Variants in SOX5 observed in about 807,000 individuals in gnomAD.
SOX5 encodes the protein transcription factor SOX-5.
SOX5 carries 9 observed loss-of-function variants against 92.0 expected under a neutral mutation model. The observed-to-expected ratio is 0.10, with a 90% CI of 0.06 to 0.17. The LOEUF is 0.17. Among genes scored for constraint, SOX5 ranks in the 10% least tolerant of loss-of-function variants. The probability of loss-of-function intolerance (pLI) is 1.00; values close to 1 mark genes in which losing one functional copy is unlikely to be tolerated. For missense variants in SOX5, 642 were observed against 944.5 expected (o/e 0.68, Z 4.20); for synonymous variants, 344 against 336.3 (o/e 1.02, Z -0.25).
chr12:24,376,690 C>CTTTTTTTTTTT (rs1164391418), intron 1 of SOX5, among the ~76,000 whole-genome samples: 2 of 70,572 alleles, frequency 2.8e-5, no homozygotes, highest in Admixed American at 2.1e-4. Context: ...GGAGAGATAC[C>CTTTTTTTTTTT]TTTTTTTTTT....
intron 3 of SOX5, among the ~76,000 whole-genome samples, chr12:23,815,367 C>T (rs2095968272): frequency 6.6e-6 from 1 of 152,170 alleles, no homozygotes; most frequent in Admixed American, 6.5e-5. Context: ...AATCTTACAA[C>T]ACGAGATCTT....
chr12:23,617,861 G>A (rs2076750578), intron 8 of SOX5, among the ~76,000 whole-genome samples: 2 of 152,100 alleles, frequency 1.3e-5, no homozygotes, highest in African/African-American at 4.8e-5. Context: ...AGTCATGTAA[G>A]AACACCCCAA....
intron 10 of SOX5, among the ~76,000 whole-genome samples, chr12:23,570,920 AAAAAAAAAAAATATATATATAT>A (rs1456066738): frequency 8.6e-4 from 36 of 41,700 alleles, no homozygotes; most frequent in African/African-American, 2.9e-3. Flanking sequence ...CAAAAAAAAA[AAAAAAAAAAAATATATATATAT>A]ATATATATAT....
At chr12:24,352,229 T>C (rs1954175408) in intron 2 of SOX5, among the ~76,000 whole-genome samples, 3 of 152,348 alleles carry the variant, frequency 2.0e-5, no homozygotes, top group South Asian at 2.1e-4. Context: ...TGCTACTGAC[T>C]AGCTACATGG....
intron 4 of SOX5, among the ~76,000 whole-genome samples, chr12:24,144,235 C>G (rs74068403): frequency 0.025 from 3,877 of 152,078 alleles, 150 homozygotes; most frequent in African/African-American, 0.087. Flanking sequence ...ATATAAAATA[C>G]AAAATGCAAA....
intron 1 of SOX5, among the ~76,000 whole-genome samples, chr12:24,467,421 T>C (rs1253960506): frequency 6.6e-6 from 1 of 152,184 alleles, no homozygotes; most frequent in African/African-American, 2.4e-5. Context: ...GAAAATATGT[T>C]GCTTAAGGTG....
chr12:23,599,770 C>CTG (rs1421429470), intron 9 of SOX5, among the ~76,000 whole-genome samples: 2 of 152,104 alleles, frequency 1.3e-5, no homozygotes, highest in African/African-American at 2.4e-5. Context: ...ATTATACGAG[C>CTG]TGTGTGTGAA....
chr12:23,984,605 G>A (rs950440735), intron 4 of SOX5, among the ~76,000 whole-genome samples: 3 of 152,156 alleles, frequency 2.0e-5, no homozygotes, highest in Non-Finnish European at 2.9e-5. Context: ...ACAGGATAGA[G>A]ATGTATAATC....
chr12:23,646,991 T>C (rs930475433), intron 7 of SOX5, among the ~76,000 whole-genome samples: 3 of 152,252 alleles, frequency 2.0e-5, no homozygotes, highest in East Asian at 3.8e-4. Flanking sequence ...GCATTTATAA[T>C]TGTAAATCTT....
chr12:24,548,689 T>G (rs189228525), intron 1 of SOX5, among the ~76,000 whole-genome samples: 33 of 152,296 alleles, frequency 2.2e-4, no homozygotes, highest in Middle Eastern at 3.4e-3. Flanking sequence ...TGAAACAGCA[T>G]GTTTGTTTCT....
chr12:24,161,950 T>C (rs558292246), intron 4 of SOX5, among the ~76,000 whole-genome samples: 2 of 152,196 alleles, frequency 1.3e-5, no homozygotes, highest in African/African-American at 4.8e-5. Context: ...AATATGGTTT[T>C]GAAGAAAAAT....
chr12:23,705,306 A>C (rs899000042), intron 6 of SOX5, among the ~76,000 whole-genome samples: 2 of 152,018 alleles, frequency 1.3e-5, no homozygotes, highest in African/African-American at 4.8e-5. Flanking sequence ...CATGTTTGAG[A>C]TCTCACACAT....
chr12:24,007,002 G>A (rs534894318), intron 4 of SOX5, among the ~76,000 whole-genome samples: 1 of 150,742 alleles, frequency 6.6e-6, no homozygotes, highest in Non-Finnish European at 1.5e-5. Flanking sequence ...GCATGATGAC[G>A]CATGTCTGTA....
intron 4 of SOX5, among the ~76,000 whole-genome samples, chr12:24,167,804 T>G (rs1953596652): frequency 6.6e-6 from 1 of 152,240 alleles, no homozygotes; most frequent in African/African-American, 2.4e-5. Flanking sequence ...TTTTCTTTAC[T>G]TATATACATC....
chr12:24,353,139 A>C (rs924157121), intron 2 of SOX5, among the ~76,000 whole-genome samples: 1 of 152,180 alleles, frequency 6.6e-6, no homozygotes, highest in Non-Finnish European at 1.5e-5. Flanking sequence ...GCTGTAACTA[A>C]ACCCCATTGG....
intron 1 of SOX5, among the ~76,000 whole-genome samples, chr12:24,417,282 T>G (rs972683252): frequency 6.6e-6 from 1 of 152,210 alleles, no homozygotes; most frequent in Non-Finnish European, 1.5e-5. Context: ...GTTCTCCTAT[T>G]TTGAGGCAGG....
chr12:23,793,340 G>T (rs910599902), intron 3 of SOX5, among the ~76,000 whole-genome samples: 2 of 152,058 alleles, frequency 1.3e-5, no homozygotes, highest in African/African-American at 4.8e-5. Flanking sequence ...AGGGTGAGGG[G>T]CAGACACTAA....
intron 6 of SOX5, among the ~76,000 whole-genome samples, chr12:23,680,028 G>T (rs990785905): frequency 6.6e-6 from 1 of 151,768 alleles, no homozygotes; most frequent in African/African-American, 2.4e-5. Context: ...TTTGAGAAAT[G>T]AAAAATATAA....
intron 4 of SOX5, among the ~76,000 whole-genome samples, chr12:24,054,378 T>C (rs1957895377): frequency 6.6e-6 from 1 of 152,206 alleles, no homozygotes; most frequent in South Asian, 2.1e-4. Context: ...ATCTAGCTAC[T>C]AAAAATCATA....
Sources: gnomAD v4.1 joint callset for allele counts (sites outside exome capture counted in the v4.1 genomes callset) on GRCh38, gnomAD v4.1.1 for gene constraint, MANE v1.5 for transcripts, NCBI Gene and HGNC (gene_info 2026-07-23, HGNC 2026-07-21) for gene names.